Variants in PHACTR4 observed in about 807,000 individuals in gnomAD.
PHACTR4 encodes the protein protein phosphatase 1, regulatory subunit 124.
In PHACTR4, 51 loss-of-function variants were observed where a neutral mutation model predicts 72.7. The ratio of observed to expected loss-of-function variants is 0.70; its 90% CI spans 0.56 to 0.89. The LOEUF is 0.89. Ranked by LOEUF, PHACTR4 falls within the 40% of genes least tolerant of loss-of-function variation. The pLI, the probability that PHACTR4 is intolerant of heterozygous loss-of-function variation, is 0.00. For missense variants in PHACTR4, 731 were observed against 861.8 expected, an observed-to-expected ratio of 0.85 and a Z score of 1.90; for synonymous variants, 255 against 302.5, an observed-to-expected ratio of 0.84 and a Z score of 1.63.
chr1:28,375,640 T>C (rs1020279040), intron 1 of PHACTR4, among the ~76,000 whole-genome samples: 1 of 152,152 alleles, frequency 6.6e-6, no homozygotes, highest in Non-Finnish European at 1.5e-5. Context: ...GAGCTATGAT[T>C]GTGCCACCAC....
chr1:28,428,192 CT>C (rs1655994665), intron 2 of PHACTR4, among the ~76,000 whole-genome samples: 1 of 152,168 alleles, frequency 6.6e-6, no homozygotes, highest in Non-Finnish European at 1.5e-5. Context: ...CTCATTTCCC[CT>C]TTTCCTTCAT....
At chr1:28,431,236 G>C (rs577496461) in intron 2 of PHACTR4, among the ~76,000 whole-genome samples, 4 of 147,434 alleles carry the variant, frequency 2.7e-5, no homozygotes, top group African/African-American at 9.9e-5. Flanking sequence ...TGGGTGCAGT[G>C]GCTCATGCCT....
Position 28,489,164 on chromosome 1 carries a change from T to G in PHACTR4, c.1761-6T>G. On this transcript the variant is annotated splice_region_variant and splice_polypyrimidine_tract_variant and intron_variant, in intron 9 of 13. Coordinates refer to ENST00000373839, the MANE Select transcript of PHACTR4 (RefSeq NM_001048183.3). ...TAAACATTACCTTTATTTATCTCAT[T>G]TTTAGGCGACTGAGTCAAAGACCAA... 1 of 1,610,756 alleles carries G rather than the reference T, an allele frequency of 6.2e-7. No individual in the cohort carries two copies. Among genetic ancestry groups the G allele is most frequent in the Non-Finnish European group, 8.5e-7 (1 of 1,178,088 alleles).
chr1:28,496,800 T>TTACTGGC lies in PHACTR4; in HGVS notation c.*252_*258dup. The TTACTGGC allele has an allele frequency of 1.8e-6, 1 of 559,980 alleles. No individual in the cohort carries two copies. The highest frequency in any genetic ancestry group is 3.2e-6 in the Non-Finnish European group (1 of 313,178). The allele number at this position is 559,980 out of a possible 1,614,324, so 34.7% of individuals were successfully genotyped here. On this transcript the variant is annotated 3_prime_UTR_variant, in exon 14 of 14. Coordinates refer to ENST00000373839, the MANE Select transcript of PHACTR4 (RefSeq NM_001048183.3). ...GTAGCATGCTTGAGGAGTTTTTCCC[T>TTACTGGC]TACTGGCCACCAAAGTTCTGAACCA...
At chr1:28,428,618 A>C (rs1467234467) in intron 2 of PHACTR4, among the ~76,000 whole-genome samples, 2 of 152,226 alleles carry the variant, frequency 1.3e-5, no homozygotes, top group African/African-American at 2.4e-5. Context: ...ACATTACTTC[A>C]TGCCTACCAT....
chr1:28,466,349 T>C, intron 5 of PHACTR4, 33 bp from the exon 6 acceptor site: 2 of 1,568,798 alleles, frequency 1.3e-6, no homozygotes, highest in Non-Finnish European at 1.7e-6. Context: ...TTACTCTCTC[T>C]TCCCTTTTTA....
intron 2 of PHACTR4, among the ~76,000 whole-genome samples, chr1:28,424,574 C>T (rs550580548): frequency 3.9e-5 from 6 of 151,952 alleles, no homozygotes; most frequent in South Asian, 2.1e-4. Context: ...CTGCAACCTC[C>T]GCCTCCTGGG....
chr1:28,472,104 T>C (rs1043893125), intron 6 of PHACTR4, among the ~76,000 whole-genome samples: 9 of 151,748 alleles, frequency 5.9e-5, no homozygotes, highest in African/African-American at 1.9e-4. Flanking sequence ...TCCCAGCTAC[T>C]TGGGAGGCTG....
chr1:28,482,938 C>CAA (rs746000955), intron 9 of PHACTR4, among the ~76,000 whole-genome samples: 5 of 118,850 alleles, frequency 4.2e-5, no homozygotes, highest in South Asian at 2.7e-4. Flanking sequence ...AACCCTGTCT[C>CAA]AAAAAAAAAA....
At chr1:28,475,268 T>G (rs1310304006) in intron 7 of PHACTR4, among the ~76,000 whole-genome samples, 1 of 151,584 alleles carries the variant, frequency 6.6e-6, no homozygotes, top group Non-Finnish European at 1.5e-5. Flanking sequence ...GATTTTTTAC[T>G]CTTGTGATTT....
intron 2 of PHACTR4, chr1:28,438,266 T>C: frequency 6.8e-7 from 1 of 1,460,076 alleles, no homozygotes; most frequent in Non-Finnish European, 9.1e-7. Flanking sequence ...TTCCTGATGT[T>C]TGGCAGTGAC....
chr1:28,428,999 C>G (rs1656051438), intron 2 of PHACTR4, among the ~76,000 whole-genome samples: 1 of 152,110 alleles, frequency 6.6e-6, no homozygotes, highest in South Asian at 2.1e-4. Flanking sequence ...CATTGGTAAG[C>G]CATGCTGCCT....
Position 28,378,502 on chromosome 1 carries a change from C to CA in PHACTR4, c.-39+8686dup, listed in dbSNP as rs925427870. Among the ~76,000 whole-genome samples the CA allele has an allele frequency of 9.8e-5, 14 of 143,452 alleles. No individual in the cohort carries two copies. In the South Asian group the frequency reaches 1.1e-3, roughly 12 times the overall value. The allele number at this position is 143,452 out of a possible 152,430, so 94.1% of individuals were successfully genotyped here. ...TGGGTGACAGAGTGAGACTTCATCT[C>CA]AAAAAAAAAGAAAAAAGTTTTTTTT... On this transcript the variant is annotated intron_variant, in intron 1 of 13. Transcript: ENST00000373839.
At chr1:28,414,478 A>AAC (rs2124313782) in intron 2 of PHACTR4, among the ~76,000 whole-genome samples, 1 of 147,876 alleles carries the variant, frequency 6.8e-6, no homozygotes, top group African/African-American at 2.5e-5. Context: ...CCTGAGCTCA[A>AAC]ACAATTCTCC....
chr1:28,444,878 C>T (rs1413476683), intron 2 of PHACTR4, among the ~76,000 whole-genome samples: 3 of 150,874 alleles, frequency 2.0e-5, no homozygotes, highest in Non-Finnish European at 4.4e-5. Context: ...CCACTTGCCT[C>T]GGCATCCCAA....
intron 2 of PHACTR4, among the ~76,000 whole-genome samples, chr1:28,415,981 A>G (rs1655082166): frequency 6.6e-6 from 1 of 152,208 alleles, no homozygotes; most frequent in African/African-American, 2.4e-5. Flanking sequence ...CTGTTTAAGA[A>G]CATTTGCCAA....
intron 1 of PHACTR4, among the ~76,000 whole-genome samples, chr1:28,373,659 C>T (rs1651421189): frequency 6.6e-6 from 1 of 152,276 alleles, no homozygotes; most frequent in African/African-American, 2.4e-5. Context: ...TTCCTTGGCT[C>T]AGGCGATCCT....
intron 1 of PHACTR4, among the ~76,000 whole-genome samples, chr1:28,399,246 G>GAC (rs1653766320): frequency 6.6e-6 from 1 of 151,302 alleles, no homozygotes; most frequent in Admixed American, 6.6e-5. Context: ...CAGGAGGCGG[G>GAC]GGTTATAGTA....
intron 2 of PHACTR4, among the ~76,000 whole-genome samples, chr1:28,430,276 G>A (rs948845254): frequency 6.6e-6 from 1 of 152,072 alleles, no homozygotes; most frequent in East Asian, 1.9e-4. Context: ...TGTCCGCCTC[G>A]GCCTCCCAAA....
Sources: gnomAD v4.1 joint callset for allele counts (sites outside exome capture counted in the v4.1 genomes callset) on GRCh38, gnomAD v4.1.1 for gene constraint, MANE v1.5 for transcripts, NCBI Gene and HGNC (gene_info 2026-07-23, HGNC 2026-07-21) for gene names.